Variants in MYO1D observed in about 807,000 individuals in gnomAD.
MYO1D encodes the protein unconventional myosin-Id.
A neutral mutation model predicts 122.0 loss-of-function variants in MYO1D; 83 were observed. That is an observed-to-expected ratio of 0.68 (90% CI 0.57 to 0.82). The LOEUF (loss-of-function observed/expected upper bound fraction) is 0.82, where lower values mean the gene tolerates loss of function less well. Ranked by LOEUF, MYO1D falls within the 40% of genes least tolerant of loss-of-function variation. The pLI, the probability that MYO1D is intolerant of heterozygous loss-of-function variation, is 0.00. For synonymous variants in MYO1D, 464 were observed against 446.9 expected, an observed-to-expected ratio of 1.04 and a Z score of -0.48; for missense variants, 1,157 against 1,269.5, an observed-to-expected ratio of 0.91 and a Z score of 1.35.
At chr17:32,698,769 G>A (rs2150979153) in intron 16 of MYO1D, among the ~76,000 whole-genome samples, 1 of 151,948 alleles carries the variant, frequency 6.6e-6, no homozygotes, top group East Asian at 1.9e-4. Context: ...ATATGTTTAT[G>A]CTTTAATGAG....
At position 32,543,403 on chromosome 17, in the gene MYO1D, T is replaced by C. The variant is rs550854305; in HGVS notation, c.2865-48488A>G. ...CATCCTGGCTAACACGGTGAAACCC[T>C]GTCTCTACTAAAAATACAAAAAATT... On this transcript the variant is annotated intron_variant, in intron 21 of 21. Coordinates refer to ENST00000318217, the MANE Select transcript of MYO1D (RefSeq NM_015194.3). Among the ~76,000 whole-genome samples, 854 of 147,358 alleles carry C rather than the reference T, an allele frequency of 5.8e-3. 8 individuals carry two copies. Among genetic ancestry groups the C allele is most frequent in the African/African-American group, 0.02 (803 of 40,116 alleles).
chr17:32,543,520 G>C (rs1186880566), intron 21 of MYO1D, among the ~76,000 whole-genome samples: 1 of 151,532 alleles, frequency 6.6e-6, no homozygotes. Flanking sequence ...AGCTTGCAGT[G>C]AGCCGAGATC....
intron 21 of MYO1D, among the ~76,000 whole-genome samples, chr17:32,562,763 C>A (rs957505849): frequency 2.0e-5 from 3 of 152,118 alleles, no homozygotes; most frequent in Admixed American, 1.3e-4. Flanking sequence ...CCACCATGCC[C>A]GGACAGGATA....
chr17:32,678,486 C>A, intron 16 of MYO1D, among the ~76,000 whole-genome samples: 1 of 147,122 alleles, frequency 6.8e-6, no homozygotes, highest in African/African-American at 2.5e-5. Context: ...TCAATTCCCA[C>A]CTATGAGTGA....
At chr17:32,563,335 G>T (rs571486514) in intron 21 of MYO1D, among the ~76,000 whole-genome samples, 1 of 149,910 alleles carries the variant, frequency 6.7e-6, no homozygotes, top group Non-Finnish European at 1.5e-5. Context: ...TCAGCCTCCT[G>T]AGTAGCTGGG....
chr17:32,713,969 A>G (rs1384094101), intron 15 of MYO1D, among the ~76,000 whole-genome samples: 1 of 151,920 alleles, frequency 6.6e-6, no homozygotes, highest in African/African-American at 2.4e-5. Flanking sequence ...ATTCAAGAAC[A>G]AGAGATGTTT....
chr17:32,535,609 G>A (rs1173274707), intron 21 of MYO1D, among the ~76,000 whole-genome samples: 2 of 152,154 alleles, frequency 1.3e-5, no homozygotes, highest in East Asian at 1.9e-4. Flanking sequence ...AAATTAGCTG[G>A]GTGTGGTGGT....
intron 21 of MYO1D, among the ~76,000 whole-genome samples, chr17:32,572,197 C>T (rs1050262311): frequency 7.1e-6 from 1 of 140,626 alleles, no homozygotes; most frequent in African/African-American, 3.0e-5. Flanking sequence ...GTGCTGATGC[C>T]AGTATCTCCA....
At chr17:32,694,214 A>C (rs2089141522) in intron 16 of MYO1D, among the ~76,000 whole-genome samples, 1 of 152,160 alleles carries the variant, frequency 6.6e-6, no homozygotes, top group African/African-American at 2.4e-5. Context: ...ATGATTCACC[A>C]ACAAATGTTC....
At chr17:32,625,722 G>A (rs2087919191) in intron 20 of MYO1D, among the ~76,000 whole-genome samples, 1 of 152,064 alleles carries the variant, frequency 6.6e-6, no homozygotes. Context: ...GTAGAGATGG[G>A]GTTTCACTAT....
At chr17:32,572,861 A>G (rs563293128) in intron 21 of MYO1D, among the ~76,000 whole-genome samples, 2 of 152,182 alleles carry the variant, frequency 1.3e-5, no homozygotes, top group South Asian at 4.1e-4. Context: ...ACTCTCTGAC[A>G]GGCTTTCCAT....
chr17:32,675,371 A>C (rs2088792616), intron 16 of MYO1D, among the ~76,000 whole-genome samples: 1 of 152,202 alleles, frequency 6.6e-6, no homozygotes, highest in Admixed American at 6.5e-5. Context: ...TTGTACATAT[A>C]ACTGTAACTA....
intron 21 of MYO1D, among the ~76,000 whole-genome samples, chr17:32,552,975 G>A (rs539604248): frequency 2.0e-5 from 3 of 151,088 alleles, no homozygotes; most frequent in East Asian, 1.9e-4. Context: ...AGTGACTCAC[G>A]CCCATAATCC....
chr17:32,631,242 A>G (rs1262832070), intron 20 of MYO1D, among the ~76,000 whole-genome samples: 1 of 152,206 alleles, frequency 6.6e-6, no homozygotes, highest in East Asian at 1.9e-4. Flanking sequence ...ACTAAAACAG[A>G]CCAGAGATGT....
At chr17:32,816,105 T>C (rs938306240) in intron 1 of MYO1D, among the ~76,000 whole-genome samples, 1 of 152,192 alleles carries the variant, frequency 6.6e-6, no homozygotes, top group Non-Finnish European at 1.5e-5. Context: ...TAAATATTTA[T>C]TGAGAATGTC....
At chr17:32,528,548 C>T (rs1451803712) in intron 21 of MYO1D, among the ~76,000 whole-genome samples, 1 of 152,068 alleles carries the variant, frequency 6.6e-6, no homozygotes, top group Admixed American at 6.6e-5. Context: ...ATATCCACAT[C>T]CTAATCCCTG....
intron 16 of MYO1D, among the ~76,000 whole-genome samples, chr17:32,676,987 T>A (rs1236502200): frequency 6.6e-6 from 1 of 151,960 alleles, no homozygotes; most frequent in Non-Finnish European, 1.5e-5. Context: ...ATTTTTTGTA[T>A]TTTTAGTAGA....
At chr17:32,802,885 G>A (rs1418599721) in intron 1 of MYO1D, among the ~76,000 whole-genome samples, 1 of 152,148 alleles carries the variant, frequency 6.6e-6, no homozygotes, top group Non-Finnish European at 1.5e-5. Context: ...AAAGGTACCT[G>A]CTGGTCTAAA....
At chr17:32,684,131 C>T (rs1429811370) in intron 16 of MYO1D, 2 of 153,986 alleles carry the variant, frequency 1.3e-5, no homozygotes, top group East Asian at 1.9e-4. Context: ...ACCCACTGGC[C>T]TGCGCCCACT....
Sources: gnomAD v4.1 joint callset for allele counts (sites outside exome capture counted in the v4.1 genomes callset) on GRCh38, gnomAD v4.1.1 for gene constraint, MANE v1.5 for transcripts, NCBI Gene and HGNC (gene_info 2026-07-23, HGNC 2026-07-21) for gene names.